Variants in IL1RL1 observed in about 807,000 individuals in gnomAD.
IL1RL1 encodes the protein interleukin 1 receptor like 1, also known as interleukin-1 receptor-like 1.
In IL1RL1, 32 loss-of-function variants were observed where a neutral mutation model predicts 50.9. That is an observed-to-expected ratio of 0.63 (90% CI 0.47 to 0.84). The LOEUF (loss-of-function observed/expected upper bound fraction) is 0.84, where lower values mean the gene tolerates loss of function less well. IL1RL1 is among the 40% of genes least tolerant of loss of function. The pLI is 0.00. For missense variants in IL1RL1, 773 were observed against 662.9 expected, an observed-to-expected ratio of 1.17 and a Z score of -1.82; for synonymous variants, 275 against 236.0, an observed-to-expected ratio of 1.17 and a Z score of -1.51.
At chr2:102,350,232 G>C (rs750397845) in intron 10 of IL1RL1, among the ~76,000 whole-genome samples, 5 of 152,236 alleles carry the variant, frequency 3.3e-5, no homozygotes, top group Non-Finnish European at 5.9e-5. Flanking sequence ...TATTACAAAT[G>C]TACTCAAGAA....
At chr2:102,313,008 T>C (rs1482029753) in intron 1 of IL1RL1, 2 of 152,084 alleles carry the variant, frequency 1.3e-5, no homozygotes, top group Non-Finnish European at 2.9e-5. Flanking sequence ...TGAATACCAT[T>C]GTGGACATAA....
At chr2:102,346,639 G>A (rs1203223409) in intron 8 of IL1RL1, among the ~76,000 whole-genome samples, 1 of 152,164 alleles carries the variant, frequency 6.6e-6, no homozygotes, top group East Asian at 1.9e-4. Flanking sequence ...ACCTGGAAAG[G>A]AATCCTGTTG....
At chr2:102,350,273 A>G (rs1677891499) in intron 10 of IL1RL1, among the ~76,000 whole-genome samples, 1 of 152,250 alleles carries the variant, frequency 6.6e-6, no homozygotes, top group Non-Finnish European at 1.5e-5. Context: ...TTGTGAGCTC[A>G]ACAATGTGCC....
intron 6 of IL1RL1, 71 bp downstream of exon 6, chr2:102,342,365 T>A (rs1677603617): frequency 9.1e-7 from 1 of 1,104,666 alleles, no homozygotes; most frequent in Non-Finnish European, 1.4e-6. Context: ...TGTTCTGAAT[T>A]CCCTTAGCAG....
chr2:102,329,839 A>G (rs1677123457), intron 1 of IL1RL1, among the ~76,000 whole-genome samples: 2 of 152,218 alleles, frequency 1.3e-5, no homozygotes, highest in South Asian at 2.1e-4. Flanking sequence ...CCAGGAAACA[A>G]CAGGTGCTGG....
In IL1RL1 at chr2:102,340,086, T is replaced by C; in HGVS notation, c.273-12T>C. On this transcript the variant is annotated splice_polypyrimidine_tract_variant and intron_variant, in intron 3 of 10. Transcript: ENST00000233954. Reference sequence around the variant, plus strand: ...TAAGTGACTCTTTTAATTGTCTGACTTATTTTAACAGTCCCACATTCAATA... The same window carrying C: ...TAAGTGACTCTTTTAATTGTCTGACCTATTTTAACAGTCCCACATTCAATA... 6.9e-7 allele frequency: 1 copy of C among 1,459,516 alleles called. No homozygotes were observed. The highest frequency in any genetic ancestry group is 9.1e-7 in the Non-Finnish European group (1 of 1,097,102). 90.4% of individuals were successfully genotyped at this position (1,459,516 alleles called of 1,614,324 possible).
intron 5 of IL1RL1, 25 bp downstream of exon 5, chr2:102,340,853 AG>A: frequency 1.3e-6 from 2 of 1,528,560 alleles, no homozygotes; most frequent in Non-Finnish European, 1.7e-6. Flanking sequence ...TTAATGAGAT[AG>A]AATACTACGT....
At chr2:102,324,925 G>A (rs999437462) in intron 1 of IL1RL1, among the ~76,000 whole-genome samples, 1 of 152,214 alleles carries the variant, frequency 6.6e-6, no homozygotes, top group East Asian at 1.9e-4. Flanking sequence ...ACCTCTGGGG[G>A]CAGGGCATAG....
intron 8 of IL1RL1, among the ~76,000 whole-genome samples, chr2:102,346,864 G>C (rs1294974155): frequency 4.6e-5 from 7 of 152,222 alleles, no homozygotes; most frequent in African/African-American, 1.4e-4. Context: ...GGGAGCCCAT[G>C]CATGGAGACT....
intron 1 of IL1RL1, among the ~76,000 whole-genome samples, chr2:102,336,371 T>G (rs150618146): frequency 6.6e-6 from 1 of 152,196 alleles, no homozygotes; most frequent in Non-Finnish European, 1.5e-5. Context: ...AATTAATACA[T>G]GTAAATCACT....
At chr2:102,321,693 C>A (rs559650329) in intron 1 of IL1RL1, among the ~76,000 whole-genome samples, 1 of 152,222 alleles carries the variant, frequency 6.6e-6, no homozygotes, top group Non-Finnish European at 1.5e-5. Flanking sequence ...CTCAAACTTA[C>A]CAAAATCACC....
At chr2:102,333,291 T>C (rs1374221704) in intron 1 of IL1RL1, among the ~76,000 whole-genome samples, 1 of 152,112 alleles carries the variant, frequency 6.6e-6, no homozygotes, top group African/African-American at 2.4e-5. Context: ...ATGGTGGCAT[T>C]GAGAATGGAG....
At chr2:102,339,080 C>T (rs751007623) in intron 3 of IL1RL1, 33 bp downstream of exon 3, 14 of 1,488,012 alleles carry the variant, frequency 9.4e-6, no homozygotes, top group East Asian at 4.5e-5. Context: ...CTTCTTTCAC[C>T]CTGCTCCCCT....
In IL1RL1 at chr2:102,343,395, G is replaced by C; in HGVS notation, c.950G>C (p.Arg317Thr). The C allele has an allele frequency of 6.2e-7, 1 of 1,614,202 alleles. No homozygotes were observed. Among genetic ancestry groups the C allele is most frequent in the Non-Finnish European group, 8.5e-7 (1 of 1,180,016 alleles). ...CATGGCTTGAGAAGGCACACCGTAAGACTAAGTAGGAAAAATCCAAGTAAG... is the reference window on the plus strand; with the variant it reads ...CATGGCTTGAGAAGGCACACCGTAACACTAAGTAGGAAAAATCCAAGTAAG... The part of the protein sequence containing the change: ...NLHGLRRHTV[R>T]LSRKNPIDHH... The change falls in exon 8 of 11, where the codon AGA becomes ACA. Residue 317 changes from arginine (R) to threonine (T), a missense_variant. By Grantham distance (71) the Arg-to-Thr change is moderately conservative. Coordinates refer to ENST00000233954, the MANE Select transcript of IL1RL1 (RefSeq NM_016232.5).
chr2:102,345,542 T>A, intron 8 of IL1RL1: 1 of 985,414 alleles, frequency 1.0e-6, no homozygotes. Context: ...TTCATCCAGA[T>A]ACACAGAGAG....
At chr2:102,340,585 C>CCCA (rs1392292526) in intron 4 of IL1RL1, 81 bp from the exon 5 acceptor site, 3 of 1,437,540 alleles carry the variant, frequency 2.1e-6, no homozygotes, top group Non-Finnish European at 2.9e-6. Context: ...TCACTCCAGC[C>CCCA]TAGGCAACAA....
intron 10 of IL1RL1, among the ~76,000 whole-genome samples, chr2:102,350,429 A>T (rs1677895220): frequency 6.6e-6 from 1 of 152,370 alleles, no homozygotes; most frequent in Non-Finnish European, 1.5e-5. Flanking sequence ...ACTAATCTGG[A>T]ATGGTTTTCT....
At chr2:102,350,653 C>A (rs1197722646) in intron 10 of IL1RL1, among the ~76,000 whole-genome samples, 1 of 152,242 alleles carries the variant, frequency 6.6e-6, no homozygotes, top group Non-Finnish European at 1.5e-5. Context: ...ATCATGGAAT[C>A]CATTGCACCC....
chr2:102,324,550 A>C (rs1338341019), intron 1 of IL1RL1, among the ~76,000 whole-genome samples: 8 of 152,186 alleles, frequency 5.3e-5, no homozygotes, highest in Non-Finnish European at 1.2e-4. Flanking sequence ...AAGCAGGGCG[A>C]GGCATCGCTT....
Sources: gnomAD v4.1 joint callset for allele counts (sites outside exome capture counted in the v4.1 genomes callset) on GRCh38, gnomAD v4.1.1 for gene constraint, MANE v1.5 for transcripts, NCBI Gene and HGNC (gene_info 2026-07-23, HGNC 2026-07-21) for gene names.